Variants in PTPRD observed in about 807,000 individuals in gnomAD.
The protein encoded by PTPRD is protein tyrosine phosphatase receptor type D, also known as receptor-type tyrosine-protein phosphatase delta.
A neutral mutation model predicts 214.5 loss-of-function variants in PTPRD; 34 were observed. The ratio of observed to expected loss-of-function variants is 0.16; its 90% CI spans 0.12 to 0.21. The LOEUF (loss-of-function observed/expected upper bound fraction) is 0.21. Among genes scored for constraint, PTPRD ranks in the 10% least tolerant of loss-of-function variants. PTPRD has a pLI of 1.00. For synonymous variants in PTPRD, 1,128 were observed against 845.7 expected, an observed-to-expected ratio of 1.33 and a Z score of -5.79; for missense variants, 2,545 against 2,398.7, an observed-to-expected ratio of 1.06 and a Z score of -1.27.
chr9:10,553,512 T>C (rs1382175938), intron 2 of PTPRD, among the ~76,000 whole-genome samples: 1 of 152,172 alleles, frequency 6.6e-6, no homozygotes, highest in African/African-American at 2.4e-5. Context: ...TTCCAAAATA[T>C]GCAAGTATGT....
At chr9:9,780,865 A>G (rs904227932) in intron 5 of PTPRD, among the ~76,000 whole-genome samples, 14 of 152,252 alleles carry the variant, frequency 9.2e-5, no homozygotes, top group African/African-American at 3.1e-4. Flanking sequence ...AATGATATCA[A>G]CTATCAAGCC....
intron 8 of PTPRD, among the ~76,000 whole-genome samples, chr9:9,485,579 G>A (rs1364793031): frequency 6.6e-6 from 1 of 151,966 alleles, no homozygotes; most frequent in Admixed American, 6.6e-5. Context: ...AGATAATCTA[G>A]TCTCTTACTT....
intron 11 of PTPRD, among the ~76,000 whole-genome samples, chr9:8,900,103 T>G (rs1198386093): frequency 1.3e-5 from 2 of 152,222 alleles, no homozygotes; most frequent in Non-Finnish European, 2.9e-5. Context: ...CAACGACTGT[T>G]GGTCATTTTT....
At chr9:10,185,849 G>T (rs2099328064) in intron 3 of PTPRD, among the ~76,000 whole-genome samples, 1 of 152,014 alleles carries the variant, frequency 6.6e-6, no homozygotes, top group Admixed American at 6.6e-5. Flanking sequence ...TGATGCAGGA[G>T]TAGATAATAA....
At chr9:8,789,215 GT>G (rs35457279) in intron 11 of PTPRD, among the ~76,000 whole-genome samples, 1 of 152,116 alleles carries the variant, frequency 6.6e-6, no homozygotes, top group East Asian at 1.9e-4. Context: ...CTAATGAATT[GT>G]TTTTTCAGCA....
At chr9:9,616,397 T>C (rs1163075549) in intron 7 of PTPRD, among the ~76,000 whole-genome samples, 2 of 152,130 alleles carry the variant, frequency 1.3e-5, no homozygotes, top group Non-Finnish European at 1.5e-5. Flanking sequence ...GTGAATCTTA[T>C]CGCAACAAAA....
Position 9,444,740 on chromosome 9 carries a change from T to C in PTPRD, c.-236-47258A>G, listed in dbSNP as rs535039057. Among the ~76,000 whole-genome samples the C allele has an allele frequency of 2.4e-4, 36 of 152,330 alleles. No homozygotes were observed. In the South Asian group the frequency reaches 7.3e-3, roughly 31 times the overall value. On this transcript the variant is annotated intron_variant, in intron 8 of 45. Coordinates refer to ENST00000381196, the MANE Select transcript of PTPRD (RefSeq NM_002839.4). ...TACTCTAAGAAGCTCTTTAAATATA[T>C]GCTTTTAGAAATGGTGCAGCAAATT... is the stretch of plus-strand genomic sequence containing the variant.
chr9:9,957,195 G>C (rs2154014567), intron 4 of PTPRD, among the ~76,000 whole-genome samples: 1 of 152,196 alleles, frequency 6.6e-6, no homozygotes, highest in East Asian at 1.9e-4. Context: ...AAGTGATCCA[G>C]AGCTACTAAC....
At chr9:10,395,229 C>T (rs1259943612) in intron 2 of PTPRD, among the ~76,000 whole-genome samples, 2 of 151,548 alleles carry the variant, frequency 1.3e-5, no homozygotes, top group East Asian at 3.9e-4. Context: ...TTAGGTATAT[C>T]TCCTAATGCT....
At chr9:8,975,063 C>G (rs916615475) in intron 11 of PTPRD, among the ~76,000 whole-genome samples, 1 of 146,548 alleles carries the variant, frequency 6.8e-6, no homozygotes, top group Non-Finnish European at 1.5e-5. Flanking sequence ...TGCCATTGCA[C>G]TCCAGCCTGG....
At chr9:10,491,449 T>G (rs111523592) in intron 2 of PTPRD, among the ~76,000 whole-genome samples, 1 of 152,240 alleles carries the variant, frequency 6.6e-6, no homozygotes, top group Non-Finnish European at 1.5e-5. Flanking sequence ...TAATAGCAAT[T>G]ATAAAGAATC....
At chr9:8,955,490 G>C (rs996027535) in intron 11 of PTPRD, among the ~76,000 whole-genome samples, 1 of 151,910 alleles carries the variant, frequency 6.6e-6, no homozygotes, top group African/African-American at 2.4e-5. Context: ...CAGCATAAAT[G>C]CTCTGCTCTC....
At chr9:9,723,864 T>C (rs766498778) in intron 7 of PTPRD, among the ~76,000 whole-genome samples, 4 of 152,158 alleles carry the variant, frequency 2.6e-5, no homozygotes, top group Admixed American at 6.5e-5. Flanking sequence ...TAATCTTGTA[T>C]CCTGAAACCT....
chr9:9,141,611 C>G (rs147299049), intron 10 of PTPRD, among the ~76,000 whole-genome samples: 6 of 151,674 alleles, frequency 4.0e-5, no homozygotes, highest in African/African-American at 1.4e-4. Context: ...GACCAAATCT[C>G]CGGGAACAGT....
chr9:8,764,498 T>C (rs1599062505), intron 11 of PTPRD, among the ~76,000 whole-genome samples: 1 of 152,056 alleles, frequency 6.6e-6, no homozygotes. Flanking sequence ...TGGGACACTC[T>C]AAAGAATGGG....
In PTPRD at chr9:10,418,686, C is replaced by T. The variant is rs1438548432; in HGVS notation, c.-599-77669G>A. On this transcript the variant is annotated intron_variant, in intron 2 of 45. Coordinates refer to ENST00000381196, the MANE Select transcript of PTPRD (RefSeq NM_002839.4). ...TTTGTTCCCTGCTTTATTTCCAGGG[C>T]CTAGGTCACTATCTGTCACATAATA... Among the ~76,000 whole-genome samples the T allele has an allele frequency of 3.3e-5, 5 of 151,756 alleles. No individual in the cohort carries two copies. In the East Asian group the frequency reaches 9.8e-4, roughly 30 times the overall value.
At chr9:9,435,738 T>C (rs2084987882) in intron 8 of PTPRD, among the ~76,000 whole-genome samples, 2 of 152,130 alleles carry the variant, frequency 1.3e-5, no homozygotes, top group Non-Finnish European at 2.9e-5. Context: ...TAATATTTGG[T>C]TTTCAATACT....
intron 7 of PTPRD, among the ~76,000 whole-genome samples, chr9:9,728,124 C>G (rs1401930014): frequency 6.6e-6 from 1 of 152,086 alleles, no homozygotes; most frequent in Non-Finnish European, 1.5e-5. Flanking sequence ...TCTTGCCTAC[C>G]ACCATGTAAG....
chr9:10,454,075 C>T (rs58088111), intron 2 of PTPRD, among the ~76,000 whole-genome samples: 37 of 151,234 alleles, frequency 2.4e-4, no homozygotes, highest in Admixed American at 1.2e-3. Flanking sequence ...CCTATAATAA[C>T]GAAAGCCATC....
Sources: gnomAD v4.1 joint callset for allele counts (sites outside exome capture counted in the v4.1 genomes callset) on GRCh38, gnomAD v4.1.1 for gene constraint, MANE v1.5 for transcripts, NCBI Gene and HGNC (gene_info 2026-07-23, HGNC 2026-07-21) for gene names.